Variants in CNTNAP3B observed in about 807,000 individuals in gnomAD.
CNTNAP3B encodes the protein contactin-associated protein-like 3B.
Under a neutral mutation model 108.9 loss-of-function variants are expected in CNTNAP3B, and 25 were observed. The observed-to-expected ratio is 0.23, with a 90% CI of 0.17 to 0.32. The LOEUF is 0.32. Ranked by LOEUF, CNTNAP3B falls within the 10% of genes least tolerant of loss-of-function variation. The pLI is 1.00. For missense variants in CNTNAP3B, 252 were observed against 1,210.4 expected (o/e 0.21, Z 11.75); for synonymous variants, 103 against 473.4 (o/e 0.22, Z 10.16).
chr9:41,966,281 C>T (rs1825271516), intron 10 of CNTNAP3B, among the ~76,000 whole-genome samples: 1 of 152,296 alleles, frequency 6.6e-6, no homozygotes, highest in Non-Finnish European at 1.5e-5. Context: ...TTAAAAACCA[C>T]TGCTGTTTGA....
chr9:42,079,601 A>C (rs1827569193), intron 2 of CNTNAP3B, among the ~76,000 whole-genome samples: 1 of 132,806 alleles, frequency 7.5e-6, no homozygotes, highest in Non-Finnish European at 1.6e-5. Context: ...TGCTCACTGC[A>C]ACCTCCAACT....
chr9:42,095,727 A>G (rs1237762475), intron 2 of CNTNAP3B, among the ~76,000 whole-genome samples: 1 of 138,732 alleles, frequency 7.2e-6, no homozygotes, highest in Non-Finnish European at 1.5e-5. Context: ...GTTAAGGGAT[A>G]AGCCTGTCAG....
intron 14 of CNTNAP3B, among the ~76,000 whole-genome samples, chr9:41,936,815 A>C (rs1236403918): frequency 6.6e-6 from 1 of 152,408 alleles, no homozygotes; most frequent in Admixed American, 6.5e-5. Context: ...AGAGTGTCTC[A>C]TAAATCTGTA....
chr9:42,054,448 T>C (rs1241559150), intron 3 of CNTNAP3B, among the ~76,000 whole-genome samples: 2 of 151,528 alleles, frequency 1.3e-5, no homozygotes, highest in African/African-American at 4.9e-5. Flanking sequence ...AGCCTTATAG[T>C]GCGTGACTGG....
intron 2 of CNTNAP3B, among the ~76,000 whole-genome samples, chr9:42,089,572 G>A: frequency 6.8e-6 from 1 of 146,744 alleles, no homozygotes; most frequent in East Asian, 2.0e-4. Flanking sequence ...TTTCTAATGT[G>A]GGAAATAAAT....
At chr9:41,987,487 AG>A (rs1825727971) in intron 8 of CNTNAP3B, among the ~76,000 whole-genome samples, 1 of 105,676 alleles carries the variant, frequency 9.5e-6, no homozygotes. Context: ...ATAAAATAAA[AG>A]CGATTATTTA....
At chr9:41,926,337 G>C (rs1008561282) in intron 15 of CNTNAP3B, among the ~76,000 whole-genome samples, 1 of 152,232 alleles carries the variant, frequency 6.6e-6, no homozygotes, top group Admixed American at 6.5e-5. Context: ...GAAGGGAAAA[G>C]AATCAATAAG....
intron 13 of CNTNAP3B, among the ~76,000 whole-genome samples, chr9:41,942,135 G>GTCCT (rs1260045529): frequency 3.9e-5 from 6 of 152,264 alleles, no homozygotes; most frequent in Non-Finnish European, 5.9e-5. Flanking sequence ...GAAGGTCACA[G>GTCCT]TCCAGGAAGA....
chr9:41,943,453 C>T (rs1283511218), intron 13 of CNTNAP3B, among the ~76,000 whole-genome samples: 23 of 151,198 alleles, frequency 1.5e-4, no homozygotes, highest in South Asian at 2.1e-4. Context: ...CCTGGGTTCA[C>T]GCCATTCTCC....
chr9:41,948,591 A>C (rs1269323893), intron 13 of CNTNAP3B, among the ~76,000 whole-genome samples: 1 of 151,766 alleles, frequency 6.6e-6, no homozygotes, highest in Non-Finnish European at 1.5e-5. Flanking sequence ...AAAATATTCA[A>C]TAAAATATTA....
intron 1 of CNTNAP3B, among the ~76,000 whole-genome samples, chr9:42,112,286 G>A (rs1291723099): frequency 7.2e-6 from 1 of 139,538 alleles, no homozygotes; most frequent in Non-Finnish European, 1.5e-5. Context: ...GAAGGCCCCA[G>A]TAAGGCTTAC....
intron 13 of CNTNAP3B, among the ~76,000 whole-genome samples, chr9:41,946,152 A>G (rs2118113469): frequency 7.1e-6 from 1 of 140,152 alleles, no homozygotes; most frequent in African/African-American, 2.8e-5. Context: ...GGAGACTTCA[A>G]CACCCCTCTA....
chr9:41,944,612 G>C (rs1228408745), intron 13 of CNTNAP3B, among the ~76,000 whole-genome samples: 54 of 152,082 alleles, frequency 3.6e-4, no homozygotes, highest in African/African-American at 1.2e-3. Context: ...AAATGTGAGA[G>C]GGGAATTCAG....
At chr9:41,947,657 G>A (rs1348931979) in intron 13 of CNTNAP3B, among the ~76,000 whole-genome samples, 13 of 151,998 alleles carry the variant, frequency 8.6e-5, no homozygotes, top group Admixed American at 3.9e-4. Flanking sequence ...ACTCATACAA[G>A]CTGAAGGAAG....
intron 1 of CNTNAP3B, among the ~76,000 whole-genome samples, chr9:42,107,974 TAAA>T (rs67012140): frequency 2.7e-5 from 3 of 110,046 alleles, no homozygotes; most frequent in Admixed American, 9.5e-5. Flanking sequence ...GACTCCGTCT[TAAA>T]AAAAAAAAAA....
intron 11 of CNTNAP3B, among the ~76,000 whole-genome samples, chr9:41,964,306 A>T (rs545918430): frequency 9.7e-4 from 148 of 152,188 alleles, no homozygotes; most frequent in Admixed American, 1.4e-3. Flanking sequence ...TTATTTCCCC[A>T]TTGCTTGCCA....
intron 3 of CNTNAP3B, among the ~76,000 whole-genome samples, chr9:42,035,743 G>T (rs1239304012): frequency 2.0e-5 from 3 of 151,004 alleles, no homozygotes; most frequent in Non-Finnish European, 4.4e-5. Flanking sequence ...GTGCAGCTTT[G>T]AACTCCTGGG....
chr9:41,930,534 C>A (rs1301964079), intron 14 of CNTNAP3B, among the ~76,000 whole-genome samples: 4 of 151,782 alleles, frequency 2.6e-5, no homozygotes, highest in African/African-American at 9.7e-5. Context: ...CAAAGTGAGA[C>A]CCTGTCTCAA....
At position 42,125,269 on chromosome 9, in the gene CNTNAP3B, G is replaced by A. The variant is rs1220750707; in HGVS notation, c.85+3741C>T. 1.4e-5 allele frequency among the ~76,000 whole-genome samples: 2 copies of A among 138,848 alleles called. 1 individual carries two copies. Among genetic ancestry groups the A allele is most frequent in the Non-Finnish European group, 3.1e-5 (2 of 64,910 alleles). The allele number at this position is 138,848 out of a possible 152,430, so 91.1% of individuals were successfully genotyped here. A position where few individuals can be genotyped will look rare whatever the true frequency, so the allele number is the denominator to read the frequency against. ...TAGTTGCCTTGTTTTCTTAGCCTCT[G>A]TCAATCTGGAATGCCTCCTTCCTCA... On this transcript the variant is annotated intron_variant, in intron 1 of 23. Transcript: ENST00000377561.
Sources: gnomAD v4.1 joint callset for allele counts (sites outside exome capture counted in the v4.1 genomes callset) on GRCh38, gnomAD v4.1.1 for gene constraint, MANE v1.5 for transcripts, NCBI Gene and HGNC (gene_info 2026-07-23, HGNC 2026-07-21) for gene names.